Variants in HDAC9 observed in about 807,000 individuals in gnomAD.
The protein encoded by HDAC9 is MEF-2 interacting transcription repressor (MITR) protein.
HDAC9 carries 41 observed loss-of-function variants against 139.4 expected under a neutral mutation model. The ratio of observed to expected loss-of-function variants is 0.29; its 90% confidence interval spans 0.23 to 0.38. The LOEUF (loss-of-function observed/expected upper bound fraction) is 0.38. HDAC9 is among the 10% of genes least tolerant of loss of function. The pLI is 1.00. For synonymous variants in HDAC9, 517 were observed against 476.2 expected, an observed-to-expected ratio of 1.09 and a Z score of -1.12; for missense variants, 1,147 against 1,297.0, an observed-to-expected ratio of 0.88 and a Z score of 1.78.
intron 21 of HDAC9, among the ~76,000 whole-genome samples, chr7:18,839,104 G>A (rs116869182): frequency 0.014 from 2,192 of 151,988 alleles, 30 homozygotes; most frequent in Middle Eastern, 0.024. Context: ...GATTCTTCAC[G>A]AGAATTCTTA....
At chr7:18,445,584 T>G (rs1360461596) in intron 1 of HDAC9, among the ~76,000 whole-genome samples, 1 of 152,234 alleles carries the variant, frequency 6.6e-6, no homozygotes, top group Non-Finnish European at 1.5e-5. Flanking sequence ...CATAGAATTT[T>G]CGGAGCCAAT....
chr7:18,213,777 T>C (rs1792110197), intron 2 of HDAC9, among the ~76,000 whole-genome samples: 1 of 152,178 alleles, frequency 6.6e-6, no homozygotes, highest in Non-Finnish European at 1.5e-5. Flanking sequence ...ATTTAAGCCC[T>C]GGTTTCCCAT....
At chr7:18,477,872 A>G (rs1177191410) in intron 1 of HDAC9, among the ~76,000 whole-genome samples, 1 of 152,102 alleles carries the variant, frequency 6.6e-6, no homozygotes, top group East Asian at 1.9e-4. Context: ...TTATTAATAT[A>G]TTTTAATAAC....
At chr7:18,770,950 C>A (rs577136073) in intron 16 of HDAC9, among the ~76,000 whole-genome samples, 1 of 152,116 alleles carries the variant, frequency 6.6e-6, no homozygotes, top group Non-Finnish European at 1.5e-5. Flanking sequence ...CTGGGGAAAG[C>A]CCTGCAGACA....
At chr7:18,847,358 T>TC (rs1159207220) in intron 21 of HDAC9, among the ~76,000 whole-genome samples, 2 of 152,346 alleles carry the variant, frequency 1.3e-5, no homozygotes, top group Non-Finnish European at 2.9e-5. Context: ...CTTTTTCCTT[T>TC]CTTTTTTTTA....
intron 15 of HDAC9, among the ~76,000 whole-genome samples, chr7:18,763,231 G>A (rs1789540169): frequency 6.6e-6 from 1 of 152,118 alleles, no homozygotes; most frequent in African/African-American, 2.4e-5. Flanking sequence ...ACAGTAGGTA[G>A]GTATCTTGGA....
intron 2 of HDAC9, among the ~76,000 whole-genome samples, chr7:18,206,504 T>C (rs1027922370): frequency 2.2e-4 from 33 of 152,180 alleles, no homozygotes; most frequent in African/African-American, 6.5e-4. Flanking sequence ...TTTTGTGTAA[T>C]TCTTTGTATA....
intron 1 of HDAC9, among the ~76,000 whole-genome samples, chr7:18,336,941 A>G (rs1367828280): frequency 6.6e-6 from 1 of 151,626 alleles, no homozygotes; most frequent in Non-Finnish European, 1.5e-5. Context: ...ATAATTACCA[A>G]TTTAAAGAAG....
chr7:18,870,864 C>G (rs1485091191), intron 21 of HDAC9, among the ~76,000 whole-genome samples: 1 of 152,058 alleles, frequency 6.6e-6, no homozygotes, highest in Non-Finnish European at 1.5e-5. Flanking sequence ...GATGGGGTCT[C>G]TCTGTGTTAC....
At chr7:18,575,784 G>C (rs1356836060) in intron 2 of HDAC9, among the ~76,000 whole-genome samples, 2 of 152,216 alleles carry the variant, frequency 1.3e-5, no homozygotes. Context: ...ACATATACAT[G>C]CAGATGTGCA....
chr7:18,154,153 T>A (rs1231259986), intron 1 of HDAC9, among the ~76,000 whole-genome samples: 1 of 151,596 alleles, frequency 6.6e-6, no homozygotes, highest in South Asian at 2.1e-4. Flanking sequence ...TAACTTACAG[T>A]TTTTTTTTCT....
chr7:18,409,564 T>C (rs1443211715), intron 1 of HDAC9, among the ~76,000 whole-genome samples: 2 of 152,216 alleles, frequency 1.3e-5, no homozygotes, highest in East Asian at 3.8e-4. Context: ...CAGAAATTGC[T>C]TCTACCACAT....
At chr7:18,519,467 G>A (rs1244752882) in intron 2 of HDAC9, among the ~76,000 whole-genome samples, 1 of 152,064 alleles carries the variant, frequency 6.6e-6, no homozygotes, top group Non-Finnish European at 1.5e-5. Context: ...CTATGAATAA[G>A]ACATTTACAA....
At chr7:18,400,069 T>A (rs1350332892) in intron 1 of HDAC9, among the ~76,000 whole-genome samples, 4 of 152,138 alleles carry the variant, frequency 2.6e-5, no homozygotes, top group African/African-American at 4.8e-5. Flanking sequence ...AGGTTATGGG[T>A]GAGTCTTTCT....
chr7:18,864,410 T>G (rs1798336204), intron 21 of HDAC9, among the ~76,000 whole-genome samples: 1 of 151,242 alleles, frequency 6.6e-6, no homozygotes, highest in East Asian at 2.0e-4. Context: ...ATATAAAGTT[T>G]CAGTTATGTA....
intron 2 of HDAC9, among the ~76,000 whole-genome samples, chr7:18,555,314 A>G (rs1818462376): frequency 6.6e-6 from 1 of 152,196 alleles, no homozygotes; most frequent in Non-Finnish European, 1.5e-5. Context: ...CTGATACTCA[A>G]AAGTCTGCAT....
intron 2 of HDAC9, among the ~76,000 whole-genome samples, chr7:18,260,224 A>G (rs1029972859): frequency 1.4e-4 from 21 of 151,610 alleles, no homozygotes; most frequent in Non-Finnish European, 2.2e-4. Flanking sequence ...AAGATGATCT[A>G]TGACCATGCT....
chr7:18,462,624 T>C (rs561907389), intron 1 of HDAC9, among the ~76,000 whole-genome samples: 3 of 152,202 alleles, frequency 2.0e-5, no homozygotes, highest in Admixed American at 2.0e-4. Context: ...TAAAATATCA[T>C]GATATTGTAT....
intron 13 of HDAC9, among the ~76,000 whole-genome samples, chr7:18,736,490 A>G (rs965283717): frequency 4.6e-5 from 7 of 152,056 alleles, no homozygotes; most frequent in Non-Finnish European, 1.0e-4. Context: ...CTATTGAGAT[A>G]ATGATGTGGT....
Sources: gnomAD v4.1 joint callset for allele counts (sites outside exome capture counted in the v4.1 genomes callset) on GRCh38, gnomAD v4.1.1 for gene constraint, MANE v1.5 for transcripts, NCBI Gene and HGNC (gene_info 2026-07-23, HGNC 2026-07-21) for gene names.